Variants in ZC3H6 observed in about 807,000 individuals in gnomAD.
ZC3H6 encodes the protein zinc finger CCCH domain-containing protein 6.
Under a neutral mutation model 107.7 loss-of-function variants are expected in ZC3H6, and 40 were observed. The observed-to-expected ratio is 0.37, with a 90% CI of 0.29 to 0.48. The LOEUF (loss-of-function observed/expected upper bound fraction) is 0.48. Among genes scored for constraint, ZC3H6 ranks in the 20% least tolerant of loss-of-function variants. The pLI is 0.98. For missense variants in ZC3H6, 1,267 were observed against 1,410.4 expected (o/e 0.90, Z 1.63); for synonymous variants, 493 against 487.9 (o/e 1.01, Z -0.14).
At chr2:112,291,124 G>C (rs1335335872) in intron 1 of ZC3H6, among the ~76,000 whole-genome samples, 1 of 152,206 alleles carries the variant, frequency 6.6e-6, no homozygotes, top group Admixed American at 6.5e-5. Flanking sequence ...AATTAGTTAG[G>C]GGTTTCTGGC....
At chr2:112,297,608 TAATC>T (rs1015809847) in intron 1 of ZC3H6, among the ~76,000 whole-genome samples, 2 of 152,330 alleles carry the variant, frequency 1.3e-5, no homozygotes, top group Non-Finnish European at 2.9e-5. Context: ...TAAAATGTCA[TAATC>T]AATATAAAAG....
chr2:112,315,460 C>T (rs770126274), intron 5 of ZC3H6, among the ~76,000 whole-genome samples: 1 of 152,116 alleles, frequency 6.6e-6, no homozygotes, highest in South Asian at 2.1e-4. Context: ...AATCTCTAAT[C>T]CTGCCATCCA....
intron 4 of ZC3H6, among the ~76,000 whole-genome samples, chr2:112,310,628 G>A (rs556271491): frequency 2.6e-5 from 4 of 152,204 alleles, no homozygotes; most frequent in African/African-American, 9.7e-5. Flanking sequence ...CTGATCACCT[G>A]TTTATCTGCA....
At chr2:112,306,041 G>A (rs191618682) in intron 3 of ZC3H6, among the ~76,000 whole-genome samples, 25 of 152,180 alleles carry the variant, frequency 1.6e-4, no homozygotes, top group Admixed American at 1.4e-3. Context: ...TTTTTCATAC[G>A]TAGAAATTTG....
chr2:112,308,040 C>T (rs1676510268), intron 3 of ZC3H6, among the ~76,000 whole-genome samples: 2 of 152,002 alleles, frequency 1.3e-5, no homozygotes, highest in African/African-American at 4.8e-5. Flanking sequence ...GAAATATAAC[C>T]ATCATTTAAC....
At position 112,322,714 on chromosome 2, in the gene ZC3H6, T is replaced by G. The variant is rs771353297; in HGVS notation, c.1152T>G (p.Arg384=). 6.2e-7 allele frequency: 1 copy of G among 1,613,674 alleles called. No homozygotes were observed. The highest frequency in any genetic ancestry group is 2.2e-5 in the East Asian group (1 of 44,872). The stretch of plus-strand genomic sequence containing the variant: ...GAGAATTAGAGGAACTTAGAAAGCG[T>G]GGCATAACTCCTCTTCCCAAACCAC... ...DERELEELRK[R]GITPLPKPPP... Residue 384 remains arginine (R), a synonymous_variant, in exon 9 of 12, where the codon CGT becomes CGG. Transcript: ENST00000409871.
intron 3 of ZC3H6, among the ~76,000 whole-genome samples, chr2:112,306,704 C>T (rs569346033): frequency 2.6e-5 from 4 of 152,298 alleles, no homozygotes; most frequent in African/African-American, 9.6e-5. Context: ...GATTTGAGAC[C>T]TCTGAGCCAC....
Position 112,334,204 on chromosome 2 carries a change from TTTG to T in ZC3H6, c.*1722_*1724del, listed in dbSNP as rs1480923873. 6.6e-6 allele frequency: 1 copy of T among 152,064 alleles called. No homozygotes were observed. The highest frequency in any genetic ancestry group is 2.4e-5 in the African/African-American group (1 of 41,420). The allele number at this position is 152,064 out of a possible 1,614,324, so 9.4% of individuals were successfully genotyped here. ...TTTCTGATTTACTGTCCAAATGAAT[TTTG>T]TTGTTAATTGAGAAGTCAATAAAAT... On this transcript the variant is annotated 3_prime_UTR_variant, in exon 12 of 12. Coordinates refer to ENST00000409871, the MANE Select transcript of ZC3H6 (RefSeq NM_198581.3).
intron 3 of ZC3H6, 39 bp downstream of exon 3, chr2:112,303,390 G>A: frequency 1.3e-6 from 2 of 1,511,142 alleles, no homozygotes; most frequent in Non-Finnish European, 1.8e-6. Flanking sequence ...AACATAGATA[G>A]CATAAAATGT....
rs117410605 is a variant in ZC3H6 at position 112,335,102 on chromosome 2, A to C, written c.*2614A>C. The C allele has an allele frequency of 1.3e-5, 2 of 152,318 alleles. No individual in the cohort carries two copies. Among genetic ancestry groups the C allele is most frequent in the East Asian group, 3.9e-4 (2 of 5,180 alleles). The allele number at this position is 152,318 out of a possible 1,614,324, so 9.4% of individuals were successfully genotyped here. A position where few individuals can be genotyped will look rare whatever the true frequency, so the allele number is the denominator to read the frequency against. Reference sequence around the variant, plus strand: ...CACACAGAAGATCATGACAATTGAGATTCAGCAACTGCTGTCTCATATCTT... The same window carrying C: ...CACACAGAAGATCATGACAATTGAGCTTCAGCAACTGCTGTCTCATATCTT... On this transcript the variant is annotated 3_prime_UTR_variant, in exon 12 of 12. Coordinates refer to ENST00000409871, the MANE Select transcript of ZC3H6 (RefSeq NM_198581.3).
intron 10 of ZC3H6, 127 bp from the exon 11 acceptor site, chr2:112,324,837 T>A: frequency 8.8e-7 from 1 of 1,137,848 alleles, no homozygotes; most frequent in Non-Finnish European, 1.2e-6. Flanking sequence ...TTTAGATAAC[T>A]TTTAGAAATA....
chr2:112,321,055 A>T (rs1676791863), intron 7 of ZC3H6, among the ~76,000 whole-genome samples: 1 of 152,034 alleles, frequency 6.6e-6, no homozygotes, highest in African/African-American at 2.4e-5. Flanking sequence ...TCTTGACCTT[A>T]TCAGTGTTTA....
chr2:112,288,398 A>G (rs1686650152), intron 1 of ZC3H6, among the ~76,000 whole-genome samples: 1 of 152,234 alleles, frequency 6.6e-6, no homozygotes, highest in African/African-American at 2.4e-5. Flanking sequence ...CACGAAGGGA[A>G]AGGAAGCTTT....
intron 7 of ZC3H6, 124 bp downstream of exon 7, chr2:112,317,456 T>C (rs2104717582): frequency 3.7e-6 from 2 of 538,784 alleles, no homozygotes; most frequent in East Asian, 3.4e-5. Flanking sequence ...AACAACACAT[T>C]ACATAAACCC....
rs192850184 is a variant in ZC3H6, at chr2:112,300,708, G to A, written c.213+679G>A. 9.2e-5 allele frequency among the ~76,000 whole-genome samples: 14 copies of A among 152,196 alleles called. No individual in the cohort carries two copies. The East Asian group carries it at 2.7e-3, about 29-fold the overall frequency. On this transcript the variant is annotated intron_variant, in intron 2 of 11. Coordinates refer to ENST00000409871, the MANE Select transcript of ZC3H6 (RefSeq NM_198581.3). ...GGAAACCTTTATGCTGTATGCTGAG[G>A]GTTATAGTAGTGAGTGAAATAGTTG...
intron 7 of ZC3H6, among the ~76,000 whole-genome samples, 185 bp from the exon 8 acceptor site, chr2:112,321,571 C>T (rs1363675573): frequency 1.3e-5 from 2 of 151,858 alleles, no homozygotes; most frequent in Non-Finnish European, 2.9e-5. Context: ...GTTAAGAACA[C>T]TTAGCATGAG....
chr2:112,290,320 A>C (rs1470569245), intron 1 of ZC3H6, among the ~76,000 whole-genome samples: 1 of 152,202 alleles, frequency 6.6e-6, no homozygotes, highest in African/African-American at 2.4e-5. Context: ...TGCTCATCCT[A>C]TTCCTTTGTT....
rs1274775672 is a variant in ZC3H6 at position 112,311,804 on chromosome 2, G to A, written c.614G>A (p.Gly205Asp). 41 of 1,607,308 alleles carry A rather than the reference G, an allele frequency of 2.6e-5. No homozygotes were observed. The highest frequency in any genetic ancestry group is 3.3e-5 in the Non-Finnish European group (39 of 1,176,428). Residue 205 changes from glycine to aspartate, a missense_variant and splice_region_variant, in exon 5 of 12, where the codon GGT becomes GAT. Physicochemically the swap from Gly to Asp is moderately conservative, Grantham distance 94. Around this residue, in one of 3 missense-constraint regions of ZC3H6, gnomAD observed 337 missense variants for 361.2 expected, o/e 0.93. Transcript: ENST00000409871. ...KKQRMKGVQQ[G>D]IEQRVKSFNV... ...TTTAAGTACATTTTAACTTTTCTAG[G>A]TATTGAACAGAGAGTTAAAAGTTTT...
At chr2:112,319,107 T>TA (rs1178913628) in intron 7 of ZC3H6, among the ~76,000 whole-genome samples, 2 of 152,186 alleles carry the variant, frequency 1.3e-5, no homozygotes, top group African/African-American at 4.8e-5. Flanking sequence ...TATAAAAACA[T>TA]ACTTTTTTAA....
Sources: allele counts gnomAD v4.1 joint callset (sites outside exome capture counted in the v4.1 genomes callset), GRCh38; gene constraint gnomAD v4.1.1; regional missense constraint gnomAD v4.1.1; transcripts MANE v1.5; gene names NCBI Gene and HGNC (gene_info 2026-07-23, HGNC 2026-07-21).